SNTB1: variants seen among roughly 807,000 people sequenced by gnomAD.
SNTB1 encodes the protein syntrophin beta 1.
A neutral mutation model predicts 48.9 loss-of-function variants in SNTB1; 36 were observed. That is an observed-to-expected ratio of 0.74 (90% confidence interval 0.56 to 0.97). SNTB1 has a LOEUF of 0.97. Among genes scored for constraint, SNTB1 ranks in the 50% least tolerant of loss-of-function variants. The pLI is 0.00. For missense variants in SNTB1, 786 were observed against 703.4 expected (o/e 1.12, Z -1.33); for synonymous variants, 299 against 294.6 (o/e 1.01, Z -0.15).
chr8:120,602,623 G>A (rs374867327), intron 3 of SNTB1, among the ~76,000 whole-genome samples: 1 of 152,046 alleles, frequency 6.6e-6, no homozygotes, highest in African/African-American at 2.4e-5. Flanking sequence ...ATCTTTCCCT[G>A]TGTTTCTATG....
chr8:120,651,711 T>A (rs1251732040), intron 2 of SNTB1, among the ~76,000 whole-genome samples: 1 of 151,996 alleles, frequency 6.6e-6, no homozygotes, highest in Non-Finnish European at 1.5e-5. Flanking sequence ...GGAAATGCAG[T>A]AAGAAGAGGG....
At chr8:120,674,623 A>C (rs1817806907) in intron 2 of SNTB1, among the ~76,000 whole-genome samples, 1 of 152,158 alleles carries the variant, frequency 6.6e-6, no homozygotes, top group South Asian at 2.1e-4. Context: ...TTTTTTCCTT[A>C]CATTCTTATA....
At chr8:120,637,733 A>G in intron 2 of SNTB1, 1 of 440,132 alleles carries the variant, frequency 2.3e-6, no homozygotes, top group Non-Finnish European at 4.4e-6. Context: ...CATCTGCTTC[A>G]ACAGTTCACA....
intron 1 of SNTB1, among the ~76,000 whole-genome samples, chr8:120,712,276 G>C (rs557736115): frequency 6.6e-6 from 1 of 151,816 alleles, no homozygotes; most frequent in Non-Finnish European, 1.5e-5. Context: ...TTAGCCAGGC[G>C]TGGTGGCGGG....
chr8:120,556,542 G>A (rs1414969991), intron 4 of SNTB1, among the ~76,000 whole-genome samples: 1 of 152,156 alleles, frequency 6.6e-6, no homozygotes, highest in Non-Finnish European at 1.5e-5. Flanking sequence ...ATAATAAGTT[G>A]GGGATGAAAC....
chr8:120,573,564 G>T (rs904570308), intron 4 of SNTB1, among the ~76,000 whole-genome samples: 3 of 145,472 alleles, frequency 2.1e-5, no homozygotes, highest in African/African-American at 7.6e-5. Flanking sequence ...ATTTATTTTT[G>T]CTTTTGTTGC....
chr8:120,612,456 G>A (rs896493888), intron 3 of SNTB1, among the ~76,000 whole-genome samples: 5 of 152,188 alleles, frequency 3.3e-5, no homozygotes, highest in Non-Finnish European at 7.4e-5. Flanking sequence ...GTTAGGCATC[G>A]GAATCTCCTG....
intron 3 of SNTB1, among the ~76,000 whole-genome samples, chr8:120,584,548 T>G (rs1427748544): frequency 6.6e-6 from 1 of 150,982 alleles, no homozygotes; most frequent in Non-Finnish European, 1.5e-5. Context: ...AAGCTGGTGG[T>G]TTAAAAATCT....
chr8:120,564,930 T>C (rs1815725761), intron 4 of SNTB1, among the ~76,000 whole-genome samples: 1 of 152,160 alleles, frequency 6.6e-6, no homozygotes, highest in Non-Finnish European at 1.5e-5. Context: ...TTGCTTGTGG[T>C]CATAAACTGA....
At chr8:120,788,917 T>C (rs1819972850) in intron 1 of SNTB1, among the ~76,000 whole-genome samples, 1 of 151,934 alleles carries the variant, frequency 6.6e-6, no homozygotes, top group Admixed American at 6.6e-5. Context: ...CAAAACATAC[T>C]ACCCAAGAAC....
At chr8:120,807,163 A>C (rs2130191854) in intron 1 of SNTB1, among the ~76,000 whole-genome samples, 1 of 152,374 alleles carries the variant, frequency 6.6e-6, no homozygotes, top group East Asian at 1.9e-4. Context: ...TGAGTCTTCC[A>C]GAAGATTCTG....
At chr8:120,760,671 C>T (rs974172677) in intron 1 of SNTB1, among the ~76,000 whole-genome samples, 13 of 152,026 alleles carry the variant, frequency 8.6e-5, no homozygotes, top group African/African-American at 3.1e-4. Flanking sequence ...TTTTTAAATA[C>T]ACCCAGACTG....
At chr8:120,727,606 G>GT (rs1157657548) in intron 1 of SNTB1, among the ~76,000 whole-genome samples, 2 of 152,284 alleles carry the variant, frequency 1.3e-5, no homozygotes, top group African/African-American at 4.8e-5. Context: ...ACCACCAGGT[G>GT]TTTTTTCATC....
intron 1 of SNTB1, among the ~76,000 whole-genome samples, chr8:120,787,300 G>A (rs984591804): frequency 2.0e-4 from 31 of 151,876 alleles, no homozygotes; most frequent in South Asian, 6.2e-4. Context: ...AACAATTCAC[G>A]CAATATGAAA....
chr8:120,678,730 A>C (rs1178798442), intron 2 of SNTB1, among the ~76,000 whole-genome samples: 1 of 152,146 alleles, frequency 6.6e-6, no homozygotes, highest in Non-Finnish European at 1.5e-5. Flanking sequence ...TATACATATC[A>C]GACCTATTTT....
intron 2 of SNTB1, chr8:120,635,741 T>G (rs1259840589): frequency 5.2e-6 from 1 of 194,076 alleles, no homozygotes; most frequent in Non-Finnish European, 1.2e-5. Flanking sequence ...AAGCTATCAC[T>G]TTTCTCTGTC....
intron 1 of SNTB1, among the ~76,000 whole-genome samples, chr8:120,773,469 CTT>C (rs1819676067): frequency 6.6e-6 from 1 of 152,176 alleles, no homozygotes; most frequent in Non-Finnish European, 1.5e-5. Flanking sequence ...AGAAGTGAAA[CTT>C]CAGATGAAAC....
chr8:120,803,159 G>A (rs1820259395), intron 1 of SNTB1, among the ~76,000 whole-genome samples: 1 of 152,150 alleles, frequency 6.6e-6, no homozygotes, highest in Non-Finnish European at 1.5e-5. Context: ...TGCAAAGAAT[G>A]ATGCTTCAAA....
At chr8:120,770,916 A>T (rs938671364) in intron 1 of SNTB1, among the ~76,000 whole-genome samples, 8 of 152,204 alleles carry the variant, frequency 5.3e-5, no homozygotes, top group African/African-American at 1.9e-4. Flanking sequence ...TCCCATGTTT[A>T]CAGACATTTT....
Sources: gnomAD v4.1 joint callset for allele counts (sites outside exome capture counted in the v4.1 genomes callset) on GRCh38, gnomAD v4.1.1 for gene constraint, MANE v1.5 for transcripts, NCBI Gene and HGNC (gene_info 2026-07-23, HGNC 2026-07-21) for gene names.